NRIP1: variants seen among roughly 807,000 people sequenced by gnomAD.
NRIP1 encodes the protein nuclear receptor-interacting protein 1.
A neutral mutation model predicts 75.0 loss-of-function variants in NRIP1; 28 were observed. The ratio of observed to expected loss-of-function variants is 0.37; its 90% confidence interval spans 0.28 to 0.51. The LOEUF is 0.51. Ranked by LOEUF, NRIP1 falls within the 20% of genes least tolerant of loss-of-function variation. The pLI is 0.92. For synonymous variants in NRIP1, 526 were observed against 487.6 expected, an observed-to-expected ratio of 1.08 and a Z score of -1.04; for missense variants, 1,435 against 1,343.7, an observed-to-expected ratio of 1.07 and a Z score of -1.06.
At position 15,046,919 on chromosome 21, in the gene NRIP1, T is replaced by C. The variant is rs566477449; in HGVS notation, c.-537-3345A>G. 3.3e-5 allele frequency among the ~76,000 whole-genome samples: 5 copies of C among 152,288 alleles called. No homozygotes were observed. The East Asian group carries it at 9.6e-4, about 29-fold the overall frequency. On this transcript the variant is annotated intron_variant, in intron 1 of 3. Transcript: ENST00000318948. ...GCAGTTTCTTCATCTCCTCTCGGCC[T>C]TTGTGGAATTAGAGTGAGGCGCTGC...
intron 2 of NRIP1, among the ~76,000 whole-genome samples, chr21:15,023,828 C>G (rs546256624): frequency 1.3e-5 from 2 of 152,134 alleles, no homozygotes; most frequent in Non-Finnish European, 2.9e-5. Flanking sequence ...TAAGCTAGTG[C>G]GCTCCTGGAA....
Position 14,967,069 on chromosome 21 carries a change from G to A in NRIP1, c.1124C>T (p.Ala375Val), listed in dbSNP as rs755143817. ...SLERNNIKQA[A>V]NNSLLLHLLK... is the part of the protein sequence containing the mutation. Reference sequence around the variant, plus strand: ...AAGATGTAAAAGCAAACTATTGTTAGCAGCTTGTTTTATATTGTTTCTTTC... The same window carrying A: ...AAGATGTAAAAGCAAACTATTGTTAACAGCTTGTTTTATATTGTTTCTTTC... The change falls in exon 4 of 4, where the codon GCT becomes GTT. Residue 375 changes from alanine (A) to valine (V), a missense_variant. Transcript: ENST00000318948. The A allele has an allele frequency of 1.5e-5, 25 of 1,614,074 alleles. No homozygotes were observed. In the South Asian group the frequency reaches 2.4e-4, roughly 16 times the overall value.
intron 3 of NRIP1, among the ~76,000 whole-genome samples, chr21:14,976,170 T>C (rs934842681): frequency 3.9e-5 from 6 of 152,186 alleles, no homozygotes; most frequent in Non-Finnish European, 7.4e-5. Flanking sequence ...CTTTTATTAA[T>C]TTAAAATTGT....
At chr21:15,035,228 T>C (rs2088805013) in intron 2 of NRIP1, among the ~76,000 whole-genome samples, 1 of 152,150 alleles carries the variant, frequency 6.6e-6, no homozygotes, top group Non-Finnish European at 1.5e-5. Flanking sequence ...TTAAATTTTT[T>C]TAAAAAAATA....
At chr21:15,044,489 C>T (rs559647120) in intron 1 of NRIP1, among the ~76,000 whole-genome samples, 93 of 151,928 alleles carry the variant, frequency 6.1e-4, no homozygotes, top group Non-Finnish European at 1.1e-3. Context: ...GTGAAGCTAG[C>T]GGTGATAAGG....
chr21:14,984,495 A>C (rs2087337966), intron 3 of NRIP1, among the ~76,000 whole-genome samples: 1 of 152,104 alleles, frequency 6.6e-6, no homozygotes, highest in African/African-American at 2.4e-5. Flanking sequence ...GTGTAAAGAA[A>C]GCAGTTTCTT....
chr21:14,999,007 T>C (rs1472611393), intron 3 of NRIP1, among the ~76,000 whole-genome samples: 1 of 152,010 alleles, frequency 6.6e-6, no homozygotes, highest in Admixed American at 6.6e-5. Context: ...TGAACTCTCG[T>C]AGAAAGAGAG....
chr21:15,017,565 T>C (rs1478052921), intron 2 of NRIP1, among the ~76,000 whole-genome samples: 1 of 152,194 alleles, frequency 6.6e-6, no homozygotes, highest in Non-Finnish European at 1.5e-5. Flanking sequence ...GTGATTATTA[T>C]TATCCCCAGT....
chr21:14,976,558 T>C (rs2087075579), intron 3 of NRIP1, among the ~76,000 whole-genome samples: 1 of 152,112 alleles, frequency 6.6e-6, no homozygotes, highest in South Asian at 2.1e-4. Flanking sequence ...CACAAATGGG[T>C]GCTATATTGA....
intron 3 of NRIP1, among the ~76,000 whole-genome samples, chr21:14,996,270 G>A (rs1041779325): frequency 2.6e-5 from 4 of 151,982 alleles, no homozygotes; most frequent in African/African-American, 7.3e-5. Context: ...CCTCCATTCC[G>A]GAAAGCTGCA....
chr21:15,037,874 T>C (rs978828891), intron 2 of NRIP1, among the ~76,000 whole-genome samples: 1 of 152,116 alleles, frequency 6.6e-6, no homozygotes, highest in Admixed American at 6.6e-5. Flanking sequence ...CTGTGTAGAA[T>C]GTATTGGGTA....
At chr21:14,975,682 AGGGAG>A (rs67315399) in intron 3 of NRIP1, among the ~76,000 whole-genome samples, 21,567 of 149,200 alleles carry the variant, frequency 0.14, 3,789 homozygotes, top group African/African-American at 0.41. Flanking sequence ...AAAGAAAGAA[AGGGAG>A]GGGAGGGGAG....
chr21:14,965,564 T>A lies in NRIP1; in HGVS notation c.2629A>T (p.Ile877Phe). 1 of 1,614,064 alleles carries A rather than the reference T, an allele frequency of 6.2e-7. No individual in the cohort carries two copies. Among genetic ancestry groups the A allele is most frequent in the African/African-American group, 1.3e-5 (1 of 75,042 alleles). Residue 877 changes from isoleucine to phenylalanine, a missense_variant, in exon 4 of 4, where the codon ATT becomes TTT. Physicochemically the swap from Ile to Phe is conservative, Grantham distance 21. Coordinates refer to ENST00000318948, the MANE Select transcript of NRIP1 (RefSeq NM_003489.4). The stretch of plus-strand genomic sequence containing the variant: ...CTGTGATTGTTTGCAGCATCAACAA[T>A]GTTGTTTTTCATCTTTTTAAATGGA... ...ENPFKKMKNN[I>F]VDAANNHSAP...
At chr21:14,972,210 A>C (rs932160397) in intron 3 of NRIP1, among the ~76,000 whole-genome samples, 3 of 152,204 alleles carry the variant, frequency 2.0e-5, no homozygotes, top group African/African-American at 7.2e-5. Flanking sequence ...AGAGTGAGCC[A>C]AATTTCTTTA....
intron 1 of NRIP1, among the ~76,000 whole-genome samples, chr21:15,047,165 G>A (rs1486704695): frequency 6.6e-6 from 1 of 152,168 alleles, no homozygotes; most frequent in Non-Finnish European, 1.5e-5. Flanking sequence ...AATCATGGCA[G>A]AAGGTGAGGG....
intron 3 of NRIP1, among the ~76,000 whole-genome samples, chr21:15,012,515 C>T (rs1231419683): frequency 1.7e-5 from 2 of 115,996 alleles, no homozygotes; most frequent in Non-Finnish European, 3.2e-5. Flanking sequence ...AGTGCAGTGG[C>T]ACAATCTTGG....
At chr21:15,031,052 C>T (rs2088663842) in intron 2 of NRIP1, among the ~76,000 whole-genome samples, 1 of 128,660 alleles carries the variant, frequency 7.8e-6, no homozygotes, top group African/African-American at 2.6e-5. Context: ...TGGAGGTTCA[C>T]TACATTCCCT....
chr21:14,985,007 G>A (rs954339675), intron 3 of NRIP1, among the ~76,000 whole-genome samples: 1 of 152,200 alleles, frequency 6.6e-6, no homozygotes, highest in African/African-American at 2.4e-5. Flanking sequence ...ACCAAAAAAT[G>A]TGCTTGCTTT....
chr21:15,058,820 A>G (rs897575116), intron 1 of NRIP1, among the ~76,000 whole-genome samples: 2 of 152,210 alleles, frequency 1.3e-5, no homozygotes, highest in African/African-American at 4.8e-5. Context: ...AAGGAAAGCC[A>G]TCTTAGACAC....
Sources: gnomAD v4.1 joint callset for allele counts (sites outside exome capture counted in the v4.1 genomes callset) on GRCh38, gnomAD v4.1.1 for gene constraint, MANE v1.5 for transcripts, NCBI Gene and HGNC (gene_info 2026-07-23, HGNC 2026-07-21) for gene names.